The following LTBP4 variants were observed in gnomAD, a reference collection of about 807,000 sequenced individuals.
LTBP4 encodes the protein latent transforming growth factor beta binding protein 4.
A neutral mutation model predicts 180.2 loss-of-function variants in LTBP4; 93 were observed. The observed-to-expected ratio is 0.52, with a 90% CI of 0.44 to 0.61. LTBP4 has a LOEUF of 0.61. Among genes scored for constraint, LTBP4 ranks in the 20% least tolerant of loss-of-function variants. The pLI is 0.00. For missense variants in LTBP4, 2,116 were observed against 2,256.5 expected (o/e 0.94, Z 1.26); for synonymous variants, 947 against 934.5 (o/e 1.01, Z -0.24).
chr19:40,607,425 G>T lies in LTBP4; in HGVS notation c.1052G>T (p.Cys351Phe). 6.2e-7 allele frequency: 1 copy of T among 1,613,284 alleles called. No homozygotes were observed. The highest frequency in any genetic ancestry group is 8.5e-7 in the Non-Finnish European group (1 of 1,179,682). Residue 351 changes from cysteine (C) to phenylalanine (F), a missense_variant, in exon 7 of 30, where the codon TGT (cysteine) becomes TTT (phenylalanine). Transcript: ENST00000396819. The part of the protein sequence containing the change: ...PCFRVLRDGG[C>F]SLPILRNITK... The stretch of plus-strand genomic sequence containing the variant: ...TTCCGCGTGCTCCGCGACGGCGGCT[G>T]TTCGCTGCCCATTCTGCGGAACATC...
chr19:40,615,019 G>T (rs1373495357), intron 19 of LTBP4, among the ~76,000 whole-genome samples: 2 of 151,950 alleles, frequency 1.3e-5, no homozygotes, highest in Admixed American at 1.3e-4. Context: ...CCAGTCTCTC[G>T]AACACTTAGG....
chr19:40,593,889 G>A (rs1334381051), intron 1 of LTBP4, among the ~76,000 whole-genome samples: 1 of 152,056 alleles, frequency 6.6e-6, no homozygotes, highest in Non-Finnish European at 1.5e-5. Flanking sequence ...TGCCTCCCGG[G>A]TTCAAGTGAT....
Position 40,605,549 on chromosome 19 carries a change from C to T in LTBP4, c.587C>T (p.Ala196Val). The change falls in exon 3 of 30, where the codon GCG (alanine) becomes GTG (valine). Residue 196 changes from alanine (A) to valine (V), a missense_variant. Physicochemically the swap from Ala to Val is moderately conservative, Grantham distance 64 (BLOSUM62 0). Around this residue, in one of 5 missense-constraint regions of LTBP4, gnomAD observed 469 missense variants for 532.5 expected, o/e 0.88. Coordinates refer to ENST00000396819, the MANE Select transcript of LTBP4 (RefSeq NM_001042545.2). This position sits in a 1 kb window ranked among gnomAD's most constrained non-coding sequence, Gnocchi z 5.5. The part of the protein sequence containing the change: ...ARAEAAARAE[A>V]AAPYTVLAQS... ...GCGGAAGCGGCGGCGCGGGCGGAGG[C>T]GGCAGCGCCCTACACGGTGTTGGCA... is the stretch of plus-strand genomic sequence containing the variant. 6.2e-7 allele frequency: 1 copy of T among 1,605,136 alleles called. No individual in the cohort carries two copies. The highest frequency in any genetic ancestry group is 8.5e-7 in the Non-Finnish European group (1 of 1,176,962).
At chr19:40,608,708 C>G in intron 9 of LTBP4, 105 bp downstream of exon 9, 2 of 1,314,136 alleles carry the variant, frequency 1.5e-6, no homozygotes, top group Non-Finnish European at 1.0e-6. Flanking sequence ...GTCAGGAGTT[C>G]GAGACCAGCC....
At chr19:40,599,714 C>T (rs1460141007), upstream of LTBP4, 2 of 662,620 alleles carry the variant, frequency 3.0e-6, no homozygotes, top group African/African-American at 3.6e-5. Context: ...CTATTTCATC[C>T]CTTGCCTGCC....
At chr19:40,601,297 G>C, upstream of LTBP4, 2 of 949,000 alleles carry the variant, frequency 2.1e-6, no homozygotes, top group East Asian at 1.2e-4. Flanking sequence ...GCGGGGGCGC[G>C]GGCGACCTCC....
At chr19:40,601,329 G>C, upstream of LTBP4, 14 of 982,124 alleles carry the variant, frequency 1.4e-5, no homozygotes, top group African/African-American at 1.8e-5. Context: ...GCGGGCGGGT[G>C]CGGCCGGGCC....
chr19:40,600,298 C>G, upstream of LTBP4: 1 of 428,702 alleles, frequency 2.3e-6, no homozygotes. This position sits in a 1 kb window ranked among gnomAD's most constrained non-coding sequence, Gnocchi z 4.4. Flanking sequence ...GCACCCACCC[C>G]CAGGACGAGG....
upstream of LTBP4, chr19:40,597,330 C>T (rs2081396558): frequency 6.6e-7 from 1 of 1,524,994 alleles, no homozygotes; most frequent in Non-Finnish European, 8.8e-7. Context: ...GCCCCAGCCC[C>T]AGCCCCAGCC....
In LTBP4 at chr19:40,613,765, G is replaced by C. The variant is rs907611361; in HGVS notation, c.2558-151G>C. 9 of 1,321,360 alleles carry C rather than the reference G, an allele frequency of 6.8e-6. No individual in the cohort carries two copies. The highest frequency in any genetic ancestry group is 2.5e-5 in the South Asian group (2 of 79,296). The allele number at this position is 1,321,360 out of a possible 1,614,324, so 81.9% of individuals were successfully genotyped here. A position where few individuals can be genotyped will look rare whatever the true frequency, so the allele number is the denominator to read the frequency against. ...TAAAGAAGCTGTTCTAAACCCGTCG[G>C]GGGGCGGTGTTTGCAGGGAGGGAAG... On this transcript the variant is annotated intron_variant, in intron 17 of 29. Transcript: ENST00000396819. This position sits in a 1 kb window ranked among gnomAD's most constrained non-coding sequence, Gnocchi z 5.0.
chr19:40,613,175 G>A lies in LTBP4; in HGVS notation c.2410G>A (p.Gly804Ser). 1.3e-6 allele frequency: 2 copies of A among 1,572,484 alleles called. No individual in the cohort carries two copies. Among genetic ancestry groups the A allele is most frequent in the Non-Finnish European group, 1.7e-6 (2 of 1,159,376 alleles). Residue 804 changes from glycine to serine, a missense_variant, in exon 16 of 30, where the codon GGT becomes AGT. Physicochemically the swap from Gly to Ser is moderately conservative, Grantham distance 56. Around this residue, in one of 5 missense-constraint regions of LTBP4, gnomAD observed 877 missense variants for 873.6 expected, o/e 1.00. Transcript: ENST00000396819. The surrounding 1 kb of genome is among the most constrained non-coding windows in gnomAD (Gnocchi z 5.0). ...CGCGCCAGGCTACCGGGCGCCGTCG[G>A]GTCGGCCCGGGCCCTGCGCAGGTGA... ...SCAPGYRAPS[G>S]RPGPCADVNE...
intron 1 of LTBP4, among the ~76,000 whole-genome samples, chr19:40,595,861 G>T (rs2081386893): frequency 6.7e-6 from 1 of 149,252 alleles, no homozygotes; most frequent in Non-Finnish European, 1.5e-5. Context: ...CTCCCGAGTA[G>T]CTGGGACTAC....
chr19:40,596,679 GA>G (rs1314543276), upstream of LTBP4, among the ~76,000 whole-genome samples: 1 of 152,144 alleles, frequency 6.6e-6, no homozygotes, highest in Non-Finnish European at 1.5e-5. Flanking sequence ...GGGACCCTCA[GA>G]GGGGCAGGAC....
upstream of LTBP4, chr19:40,599,611 C>T (rs2081409689): frequency 6.5e-7 from 1 of 1,548,348 alleles, no homozygotes; most frequent in Non-Finnish European, 8.8e-7. Flanking sequence ...CCTAGCTTTG[C>T]CCCCGTTTCC....
At position 40,627,863 on chromosome 19, in the gene LTBP4, G is replaced by A. The variant is rs2081648837; in HGVS notation, c.4519+6G>A. On this transcript the variant is annotated splice_donor_region_variant and intron_variant, in intron 29 of 29. Coordinates refer to ENST00000396819, the MANE Select transcript of LTBP4 (RefSeq NM_001042545.2). ...GACCCGCATGGCCTGCGTTGGTGAG[G>A]GCGGGCCCGGGGCCAGCATGCGCAG... The A allele has an allele frequency of 2.6e-6, 4 of 1,556,508 alleles. No individual in the cohort carries two copies. In the South Asian group the frequency reaches 4.7e-5, roughly 18 times the overall value.
intron 11 of LTBP4, chr19:40,610,096 C>A: frequency 1.7e-6 from 1 of 587,662 alleles, no homozygotes; most frequent in Admixed American, 3.5e-5. Flanking sequence ...TCTATCGGGG[C>A]CTGGTCGCAA....
chr19:40,624,031 G>C lies in LTBP4; in HGVS notation c.3781G>C (p.Val1261Leu), dbSNP rs1422959249. 2 of 1,602,724 alleles carry C rather than the reference G, an allele frequency of 1.2e-6. No individual in the cohort carries two copies. The highest frequency in any genetic ancestry group is 1.7e-6 in the Non-Finnish European group (2 of 1,172,514). Reference protein sequence around the residue: ...SYHCTCEPPLVLDGSQRRCVS... With the variant: ...SYHCTCEPPLLLDGSQRRCVS... ...TCACTGTACCTGCGAGCCCCCACTG[G>C]TGCTGGATGGCTCGCAGCGCCGCTG... Residue 1261 changes from valine to leucine, a missense_variant, in exon 26 of 30, where the codon GTG becomes CTG. Around this residue, in one of 5 missense-constraint regions of LTBP4, gnomAD observed 488 missense variants for 458.8 expected, o/e 1.06. Transcript: ENST00000396819.
Position 40,627,821 on chromosome 19 carries a change from G to A in LTBP4, c.4483G>A (p.Gly1495Ser), listed in dbSNP as rs1436976187. Reference protein sequence around the residue: ...PEGFTCRCFDGYRLDMTRMAC... With the variant: ...PEGFTCRCFDSYRLDMTRMAC... ...AGGCTTCACCTGCCGTTGCTTCGAC[G>A]GCTACCGCCTGGACATGACCCGCAT... is the stretch of plus-strand genomic sequence containing the variant. The change falls in exon 29 of 30, where the codon GGC becomes AGC. Residue 1495 changes from glycine (G) to serine (S), a missense_variant. Physicochemically the swap from Gly to Ser is moderately conservative, Grantham distance 56. Around this residue, in one of 5 missense-constraint regions of LTBP4, gnomAD observed 488 missense variants for 458.8 expected, o/e 1.06. Coordinates refer to ENST00000396819, the MANE Select transcript of LTBP4 (RefSeq NM_001042545.2). 3 of 1,570,754 alleles carry A rather than the reference G, an allele frequency of 1.9e-6. No homozygotes were observed. The highest frequency in any genetic ancestry group is 1.2e-5 in the South Asian group (1 of 85,998).
rs375429087 is a variant in LTBP4 at position 40,622,464 on chromosome 19, C to T, written c.3281C>T (p.Pro1094Leu). 1.6e-5 allele frequency: 26 copies of T among 1,603,780 alleles called. No individual in the cohort carries two copies. Among genetic ancestry groups the T allele is most frequent in the South Asian group, 5.6e-5 (5 of 89,888 alleles). The change falls in exon 23 of 30, where the codon CCG (proline) becomes CTG (leucine). Residue 1094 changes from proline (P) to leucine (L), a missense_variant. Transcript: ENST00000396819. The surrounding 1 kb of genome is among the most constrained non-coding windows in gnomAD (Gnocchi z 5.1). ...ASPVLPARPP[P>L]PPLPRRPSTP... ...CCCGTTCTGCCCGCCAGGCCACCTC[C>T]GCCACCCCTGCCCCGCCGACCCAGC...
Sources: gnomAD v4.1 joint callset for allele counts (sites outside exome capture counted in the v4.1 genomes callset) on GRCh38, gnomAD v4.1.1 for gene constraint, gnomAD v4.1.1 regional missense constraint, Gnocchi (gnomAD v3.1) non-coding constraint, MANE v1.5 for transcripts, NCBI Gene and HGNC (gene_info 2026-07-23, HGNC 2026-07-21) for gene names.